The following BRWD1 variants were observed in gnomAD, a reference collection of about 807,000 sequenced individuals.
The protein encoded by BRWD1 is bromodomain and WD repeat domain containing 1, also known as bromodomain and WD repeat-containing protein 1.
In BRWD1, 82 loss-of-function variants were observed where a neutral mutation model predicts 251.2. The ratio of observed to expected loss-of-function variants is 0.33; its 90% CI spans 0.27 to 0.39. The LOEUF is 0.39. Ranked by LOEUF, BRWD1 falls within the 10% of genes least tolerant of loss-of-function variation. BRWD1 has a pLI of 1.00. For missense variants in BRWD1, 2,233 were observed against 2,711.6 expected, an observed-to-expected ratio of 0.82 and a Z score of 3.92; for synonymous variants, 918 against 902.8, an observed-to-expected ratio of 1.02 and a Z score of -0.30.
In BRWD1 at chr21:39,297,165, T is replaced by C. The variant is rs977353210; in HGVS notation, c.350-802A>G. ...CTCTATAGGAGATAGCAGCAGAACA[T>C]AGGTTTGAAGCAGTCACACTGTGCC... On this transcript the variant is annotated intron_variant, in intron 5 of 40. Coordinates refer to ENST00000342449, the MANE Select transcript of BRWD1 (RefSeq NM_033656.4). 1.1e-5 allele frequency: 11 copies of C among 985,232 alleles called. No individual in the cohort carries two copies. In the Admixed American group the frequency reaches 1.8e-4, roughly 17 times the overall value. 61.0% of individuals were successfully genotyped at this position (985,232 alleles called of 1,614,324 possible).
intron 4 of BRWD1, among the ~76,000 whole-genome samples, chr21:39,310,781 T>C (rs981579996): frequency 6.6e-6 from 1 of 152,178 alleles, no homozygotes; most frequent in African/African-American, 2.4e-5. Context: ...AACCTCACTT[T>C]AGGCAGGTCT....
intron 13 of BRWD1, among the ~76,000 whole-genome samples, chr21:39,271,411 C>T (rs974261411): frequency 2.6e-5 from 4 of 151,872 alleles, no homozygotes; most frequent in Admixed American, 2.0e-4. Context: ...AAGCATCGGC[C>T]GGGCACGGTG....
intron 15 of BRWD1, among the ~76,000 whole-genome samples, chr21:39,266,577 T>C (rs529965611): frequency 6.6e-6 from 1 of 152,340 alleles, no homozygotes; most frequent in Admixed American, 6.5e-5. Flanking sequence ...TTTCTATAAA[T>C]ACTTGCTGAG....
chr21:39,255,890 G>T, intron 18 of BRWD1, 62 bp from the exon 19 acceptor site: 1 of 1,454,124 alleles, frequency 6.9e-7, no homozygotes, highest in African/African-American at 1.4e-5. Flanking sequence ...CATTTAGCAT[G>T]TAACAAGCAC....
chr21:39,275,274 T>C (rs189556206), intron 12 of BRWD1, among the ~76,000 whole-genome samples: 40 of 152,332 alleles, frequency 2.6e-4, no homozygotes, highest in African/African-American at 9.4e-4. Context: ...AAGGAGTATA[T>C]GATTTAAGTA....
chr21:39,310,974 G>A (rs1231913627), intron 4 of BRWD1, among the ~76,000 whole-genome samples: 1 of 152,028 alleles, frequency 6.6e-6, no homozygotes, highest in Non-Finnish European at 1.5e-5. Context: ...TCAGTCCTGG[G>A]GGACTGGAGG....
chr21:39,192,295 G>A lies in BRWD1; in HGVS notation c.*3964C>T, dbSNP rs1048238855. ...TCCTTACTATTCACAGTTTGAGCTA[G>A]GAATTAACATTTGCTAATCTAGTTG... On this transcript the variant is annotated 3_prime_UTR_variant, in exon 41 of 41. Transcript: ENST00000342449. The A allele has an allele frequency of 1.0e-6, 1 of 985,078 alleles. No individual in the cohort carries two copies. Among genetic ancestry groups the A allele is most frequent in the African/African-American group, 1.7e-5 (1 of 57,176 alleles). 61.0% of individuals were successfully genotyped at this position (985,078 alleles called of 1,614,324 possible).
At chr21:39,270,169 T>C (rs2035053966) in intron 14 of BRWD1, 114 bp downstream of exon 14, 1 of 1,214,528 alleles carries the variant, frequency 8.2e-7, no homozygotes, top group South Asian at 2.1e-5. Context: ...TTTCTAATCA[T>C]TTCATAGTTT....
rs763549642 is a variant in BRWD1, at chr21:39,202,352, G to A, written c.4558C>T (p.Pro1520Ser). 5.0e-6 allele frequency: 8 copies of A among 1,613,030 alleles called. No homozygotes were observed. The highest frequency in any genetic ancestry group is 1.7e-4 in the Middle Eastern group (1 of 6,010). ...GATAATGTAGAACCATTTGTTATAG[G>A]TCTATTTCTTTTCCTCCTTTCTGAT... Reference protein sequence around the residue: ...ESSERRKRNRPITNGSTLSES... With the variant: ...ESSERRKRNRSITNGSTLSES... The change falls in exon 38 of 41, where the codon CCT (proline) becomes TCT (serine). Residue 1520 changes from proline (P) to serine (S), a missense_variant. Physicochemically the swap from Pro to Ser is moderately conservative, Grantham distance 74 (BLOSUM62 -1). Around this residue, in one of 12 missense-constraint regions of BRWD1, gnomAD observed 928 missense variants for 970.0 expected, o/e 0.96. Coordinates refer to ENST00000342449, the MANE Select transcript of BRWD1 (RefSeq NM_033656.4).
At chr21:39,296,212 T>A in intron 6 of BRWD1, 53 bp downstream of exon 6, 2 of 1,419,752 alleles carry the variant, frequency 1.4e-6, no homozygotes, top group South Asian at 2.8e-5. Flanking sequence ...TAAAGGTTGT[T>A]GAGAAATTTA....
chr21:39,188,557 C>G lies in BRWD1; in HGVS notation c.*7702G>C, dbSNP rs981140088. The G allele has an allele frequency of 1.9e-5, 19 of 985,268 alleles. No individual in the cohort carries two copies. The highest frequency in any genetic ancestry group is 1.1e-4 in the East Asian group (1 of 8,824). 61.0% of individuals were successfully genotyped at this position (985,268 alleles called of 1,614,324 possible). ...TTTTTCTTCTGTGAAGATGTTTGCC[C>G]TTCTGTCACAAAGCTGACTGAAGGG... On this transcript the variant is annotated 3_prime_UTR_variant, in exon 41 of 41. Coordinates refer to ENST00000342449, the MANE Select transcript of BRWD1 (RefSeq NM_033656.4).
intron 37 of BRWD1, among the ~76,000 whole-genome samples, 174 bp downstream of exon 37, chr21:39,205,934 G>A (rs1227297859): frequency 1.3e-5 from 2 of 151,968 alleles, no homozygotes; most frequent in Non-Finnish European, 2.9e-5. Flanking sequence ...ACAAAAATTA[G>A]CCAGATGTGA....
intron 10 of BRWD1, chr21:39,278,512 C>T (rs2035349005): frequency 2.1e-6 from 1 of 471,278 alleles, no homozygotes; most frequent in Non-Finnish European, 3.8e-6. Context: ...CTCAAGCCTC[C>T]CTTTTACCAG....
At chr21:39,246,423 G>A (rs371379700) in intron 21 of BRWD1, among the ~76,000 whole-genome samples, 13 of 152,198 alleles carry the variant, frequency 8.5e-5, no homozygotes, top group East Asian at 5.8e-4. Flanking sequence ...AATATAAAAT[G>A]GTAGAGCCAA....
In BRWD1 at chr21:39,199,023, G is replaced by T; in HGVS notation, c.5393C>A (p.Ser1798Tyr). Residue 1798 changes from serine (S) to tyrosine (Y), a missense_variant, in exon 40 of 41, where the codon TCT becomes TAT. Ser to Tyr is a moderately radical substitution (Grantham distance 144). This residue lies in a region of BRWD1 where 928 missense variants were observed against 970.0 expected (regional missense o/e 0.96). Transcript: ENST00000342449. Reference protein sequence around the residue: ...SEEADSEPGRSGGRKYNTFHK... With the variant: ...SEEADSEPGRYGGRKYNTFHK... ...AAATGTATTGTATTTCCTACCACCA[G>T]ATCTTCCTGGTTCAGAATCTGCTTC... 6.2e-7 allele frequency: 1 copy of T among 1,614,130 alleles called. No individual in the cohort carries two copies. The highest frequency in any genetic ancestry group is 8.5e-7 in the Non-Finnish European group (1 of 1,180,026).
In BRWD1 at chr21:39,313,470, G is replaced by T; in HGVS notation, c.22C>A (p.Arg8=). 7 of 1,349,220 alleles carry T rather than the reference G, an allele frequency of 5.2e-6. No individual in the cohort carries two copies. The highest frequency in any genetic ancestry group is 6.6e-6 in the Non-Finnish European group (7 of 1,056,728). The allele number at this position is 1,349,220 out of a possible 1,614,324, so 83.6% of individuals were successfully genotyped here. Residue 8 remains arginine (R), a synonymous_variant, in exon 1 of 41, where the codon CGA becomes AGA. Coordinates refer to ENST00000342449, the MANE Select transcript of BRWD1 (RefSeq NM_033656.4). The part of the protein sequence containing the change: MAEPSSA[R]RPVPLIESEL... ...GACTCGATGAGAGGCACCGGGCGTCGGGCGGACGACGGCTCCGCCATGGCC... is the reference window on the plus strand; with the variant it reads ...GACTCGATGAGAGGCACCGGGCGTCTGGCGGACGACGGCTCCGCCATGGCC...
chr21:39,313,332 G>T (rs1425516481), intron 1 of BRWD1, 33 bp from the exon 2 acceptor site: 1 of 1,517,078 alleles, frequency 6.6e-7, no homozygotes, highest in Non-Finnish European at 8.9e-7. Context: ...GTCAAGCCCC[G>T]GCGGGGAGGG....
intron 37 of BRWD1, among the ~76,000 whole-genome samples, chr21:39,204,390 C>G (rs1035725765): frequency 3.3e-5 from 5 of 151,790 alleles, no homozygotes; most frequent in African/African-American, 1.2e-4. Context: ...AAACATTGCA[C>G]AACTCAATTT....
chr21:39,188,896 G>A lies in BRWD1; in HGVS notation c.*7363C>T. ...GTTCAGTCTCCAGGCATTGTAAATG[G>A]CATTTTACCAGAGTAAGACACTCAT... On this transcript the variant is annotated 3_prime_UTR_variant, in exon 41 of 41. Coordinates refer to ENST00000342449, the MANE Select transcript of BRWD1 (RefSeq NM_033656.4). The A allele has an allele frequency of 2.0e-6, 2 of 985,280 alleles. No homozygotes were observed. The highest frequency in any genetic ancestry group is 2.4e-6 in the Non-Finnish European group (2 of 829,884). 61.0% of individuals were successfully genotyped at this position (985,280 alleles called of 1,614,324 possible).
Sources: allele counts gnomAD v4.1 joint callset (sites outside exome capture counted in the v4.1 genomes callset), GRCh38; gene constraint gnomAD v4.1.1; regional missense constraint gnomAD v4.1.1; transcripts MANE v1.5; gene names NCBI Gene and HGNC (gene_info 2026-07-23, HGNC 2026-07-21).